CRYBG1: variants seen among roughly 807,000 people sequenced by gnomAD.
CRYBG1 encodes the protein beta/gamma crystallin domain-containing protein 1.
In CRYBG1, 139 loss-of-function variants were observed where a neutral mutation model predicts 189.2. That is an observed-to-expected ratio of 0.73 (90% CI 0.64 to 0.85). CRYBG1 has a LOEUF of 0.85. Ranked by LOEUF, CRYBG1 falls within the 40% of genes least tolerant of loss-of-function variation. The pLI, the probability that CRYBG1 is intolerant of heterozygous loss-of-function variation, is 0.00. For synonymous variants in CRYBG1, 1,023 were observed against 1,017.1 expected, an observed-to-expected ratio of 1.01 and a Z score of -0.11; for missense variants, 2,611 against 2,675.8, an observed-to-expected ratio of 0.98 and a Z score of 0.53.
intron 2 of CRYBG1, among the ~76,000 whole-genome samples, chr6:106,497,936 CA>C (rs201246285): frequency 2.0e-5 from 3 of 150,514 alleles, no homozygotes; most frequent in Admixed American, 1.3e-4. Context: ...ACTACAAATA[CA>C]AAAAAAAATT....
Position 106,520,397 on chromosome 6 carries a change from C to G in CRYBG1, c.3189C>G (p.Ser1063Arg). 6.2e-7 allele frequency: 1 copy of G among 1,614,150 alleles called. No individual in the cohort carries two copies. Among genetic ancestry groups the G allele is most frequent in the Admixed American group, 1.7e-5 (1 of 60,016 alleles). The change falls in exon 4 of 22, where the codon AGC becomes AGG. Residue 1063 changes from serine (S) to arginine (R), a missense_variant. Around this residue, in one of 3 missense-constraint regions of CRYBG1, gnomAD observed 1,622 missense variants for 1,735.0 expected, o/e 0.93. Transcript: ENST00000633556. The part of the protein sequence containing the change: ...AESSPTNSPS[S>R]GNHLATPQRP... ...CCAGTCCCACCAACTCTCCCAGCAG[C>G]GGAAATCACTTAGCCACTCCTCAAA...
intron 18 of CRYBG1, among the ~76,000 whole-genome samples, chr6:106,559,888 A>C (rs1774659854): frequency 6.6e-6 from 1 of 152,144 alleles, no homozygotes; most frequent in Admixed American, 6.5e-5. Flanking sequence ...GGAACCCAGC[A>C]GTTCCAGACA....
At chr6:106,405,844 G>A (rs1475102848) in intron 1 of CRYBG1, among the ~76,000 whole-genome samples, 1 of 152,188 alleles carries the variant, frequency 6.6e-6, no homozygotes, top group Non-Finnish European at 1.5e-5. Context: ...CATCAAAAAG[G>A]ATGTCCACAC....
At chr6:106,417,458 G>A (rs756711890) in intron 1 of CRYBG1, among the ~76,000 whole-genome samples, 3 of 152,076 alleles carry the variant, frequency 2.0e-5, no homozygotes, top group African/African-American at 2.4e-5. Flanking sequence ...CAAAAAGAAC[G>A]AAACGTGGAA....
chr6:106,568,057 C>G (rs1562123880), intron 21 of CRYBG1, among the ~76,000 whole-genome samples: 1 of 106,956 alleles, frequency 9.3e-6, no homozygotes, highest in Non-Finnish European at 1.9e-5. Flanking sequence ...GGACTACCTG[C>G]TCTTTCCTCG....
At chr6:106,515,533 A>C (rs1773397362) in intron 3 of CRYBG1, among the ~76,000 whole-genome samples, 1 of 152,184 alleles carries the variant, frequency 6.6e-6, no homozygotes, top group Non-Finnish European at 1.5e-5. Flanking sequence ...AATTTTTAAA[A>C]AGTATATTCT....
chr6:106,384,885 G>GAAAGCTGAGAT, intron 1 of CRYBG1, among the ~76,000 whole-genome samples: 1 of 98,036 alleles, frequency 1.0e-5, no homozygotes. Flanking sequence ...TTTTGTGTTT[G>GAAAGCTGAGAT]GGGTGCAGTC....
chr6:106,362,375 G>A (rs9372126), intron 1 of CRYBG1, among the ~76,000 whole-genome samples: 4 of 151,960 alleles, frequency 2.6e-5, no homozygotes, highest in African/African-American at 9.7e-5. Flanking sequence ...AAAACAATGA[G>A]AGACAGGAAT....
chr6:106,501,663 T>C (rs1299566294), intron 2 of CRYBG1, among the ~76,000 whole-genome samples: 2 of 152,244 alleles, frequency 1.3e-5, no homozygotes, highest in South Asian at 2.1e-4. Context: ...CCCTGTATGA[T>C]AGATGTGCAA....
intron 1 of CRYBG1, among the ~76,000 whole-genome samples, chr6:106,381,759 C>T (rs1174677178): frequency 2.0e-5 from 3 of 152,204 alleles, no homozygotes; most frequent in Admixed American, 6.5e-5. Context: ...GCCGATCCTG[C>T]AGGCACTGTT....
Position 106,518,815 on chromosome 6 carries a change from T to C in CRYBG1, c.1923-316T>C, listed in dbSNP as rs111683845. Among the ~76,000 whole-genome samples the C allele has an allele frequency of 2.8e-3, 422 of 152,100 alleles. 4 individuals are homozygous for C. The highest frequency in any genetic ancestry group is 9.9e-3 in the African/African-American group (411 of 41,486). ...AAAAAAATAAAAATAAAAAAATTAG[T>C]TGGGTGTGTGATATGTGCCTGTAGT... is the stretch of plus-strand genomic sequence containing the variant. On this transcript the variant is annotated intron_variant, in intron 3 of 21. Transcript: ENST00000633556.
At chr6:106,453,852 G>C (rs1300078564) in intron 2 of CRYBG1, among the ~76,000 whole-genome samples, 1 of 152,238 alleles carries the variant, frequency 6.6e-6, no homozygotes, top group Non-Finnish European at 1.5e-5. Context: ...TGGTATACCT[G>C]GGAGAGGCGG....
chr6:106,517,389 CATATAT>C (rs67231488), intron 3 of CRYBG1, among the ~76,000 whole-genome samples: 2 of 132,842 alleles, frequency 1.5e-5, no homozygotes. Flanking sequence ...CATATACACA[CATATAT>C]ATATATACAC....
At chr6:106,532,476 C>G (rs1214202007) in intron 8 of CRYBG1, among the ~76,000 whole-genome samples, 1 of 152,106 alleles carries the variant, frequency 6.6e-6, no homozygotes, top group African/African-American at 2.4e-5. Flanking sequence ...TTTTGAGGAG[C>G]CTCTATACTG....
intron 1 of CRYBG1, among the ~76,000 whole-genome samples, chr6:106,423,194 T>C (rs898257898): frequency 2.0e-5 from 3 of 151,070 alleles, no homozygotes; most frequent in African/African-American, 7.3e-5. Context: ...GCAGGATTAA[T>C]ATTACCTGCA....
At chr6:106,409,071 G>A (rs1013852360) in intron 1 of CRYBG1, among the ~76,000 whole-genome samples, 1 of 152,160 alleles carries the variant, frequency 6.6e-6, no homozygotes, top group Non-Finnish European at 1.5e-5. Flanking sequence ...TAGGAAGAGG[G>A]GAAGTCAAAT....
At position 106,426,222 on chromosome 6, in the gene CRYBG1, C is replaced by T. The variant is rs116931845; in HGVS notation, c.174-25472C>T. ...GTCCATCTTCATGTCTAAGTCAAGC[C>T]TTTCACTCGTGCTCCTGACCCCATG... On this transcript the variant is annotated intron_variant, in intron 1 of 21. Transcript: ENST00000633556. 3.9e-4 allele frequency among the ~76,000 whole-genome samples: 60 copies of T among 152,288 alleles called. No individual in the cohort carries two copies. The East Asian group carries it at 0.011, about 29-fold the overall frequency.
chr6:106,378,256 T>C (rs1033355090), intron 1 of CRYBG1, among the ~76,000 whole-genome samples: 1 of 152,204 alleles, frequency 6.6e-6, no homozygotes, highest in Non-Finnish European at 1.5e-5. Context: ...TCCATTCTAA[T>C]CTTCTCTCTA....
intron 2 of CRYBG1, among the ~76,000 whole-genome samples, chr6:106,505,737 CA>C (rs559094651): frequency 2.4e-4 from 33 of 139,180 alleles, no homozygotes; most frequent in South Asian, 2.3e-3. Flanking sequence ...TTTTTTTTTA[CA>C]AAAAAACTGC....
Sources: gnomAD v4.1 joint callset for allele counts (sites outside exome capture counted in the v4.1 genomes callset) on GRCh38, gnomAD v4.1.1 for gene constraint, gnomAD v4.1.1 regional missense constraint, MANE v1.5 for transcripts, NCBI Gene and HGNC (gene_info 2026-07-23, HGNC 2026-07-21) for gene names.